The following PMFBP1 variants were observed in gnomAD, a reference collection of about 807,000 sequenced individuals.
The protein encoded by PMFBP1 is polyamine modulated factor 1 binding protein 1.
Under a neutral mutation model 137.8 loss-of-function variants are expected in PMFBP1, and 131 were observed. That is an observed-to-expected ratio of 0.95 (90% CI 0.82 to 1.10). The LOEUF is 1.10. Ranked by LOEUF, PMFBP1 falls within the 50% of genes least tolerant of loss-of-function variation. PMFBP1 has a pLI of 0.00. For synonymous variants in PMFBP1, 490 were observed against 450.4 expected, an observed-to-expected ratio of 1.09 and a Z score of -1.11; for missense variants, 1,199 against 1,175.4, an observed-to-expected ratio of 1.02 and a Z score of -0.29.
chr16:72,209,546 T>C, the PMFBP1 span, among the ~76,000 whole-genome samples: 1 of 152,114 alleles, frequency 6.6e-6, no homozygotes, highest in Non-Finnish European at 1.5e-5. Flanking sequence ...ATCATATTCT[T>C]AAATATACAT....
intron 2 of PMFBP1, among the ~76,000 whole-genome samples, chr16:72,167,765 C>G (rs1228591309): frequency 3.3e-5 from 5 of 152,190 alleles, no homozygotes; most frequent in African/African-American, 4.8e-5. Context: ...GCCAAATACC[C>G]TATACTCTTG....
chr16:72,153,123 T>C (rs181748760), intron 4 of PMFBP1, among the ~76,000 whole-genome samples: 4 of 152,378 alleles, frequency 2.6e-5, no homozygotes, highest in Non-Finnish European at 4.4e-5. Flanking sequence ...TGGACCCTTT[T>C]GTTTAAGTTG....
chr16:72,160,612 C>T (rs2043047556), intron 3 of PMFBP1, among the ~76,000 whole-genome samples: 1 of 151,818 alleles, frequency 6.6e-6, no homozygotes, highest in South Asian at 2.1e-4. Context: ...AAAAGTCTCA[C>T]TATCTTTTTT....
chr16:72,139,946 A>G (rs1258255753), intron 6 of PMFBP1, among the ~76,000 whole-genome samples: 3 of 152,184 alleles, frequency 2.0e-5, no homozygotes, highest in Non-Finnish European at 4.4e-5. Flanking sequence ...AGAGGACAGT[A>G]TTGAAAATTC....
At chr16:72,201,489 G>T in the PMFBP1 span, among the ~76,000 whole-genome samples, 2 of 152,128 alleles carry the variant, frequency 1.3e-5, no homozygotes, top group Non-Finnish European at 2.9e-5. Flanking sequence ...GAATATCATA[G>T]TTAGAAACAA....
chr16:72,189,733 C>T, the PMFBP1 span, among the ~76,000 whole-genome samples: 28 of 152,306 alleles, frequency 1.8e-4, 1 homozygote, highest in Admixed American at 1.8e-3. Context: ...CATGGTATTG[C>T]AGTAAAGACA....
chr16:72,139,395 A>G lies in PMFBP1; in HGVS notation c.812T>C (p.Leu271Pro). 1 of 1,612,348 alleles carries G rather than the reference A, an allele frequency of 6.2e-7. No individual in the cohort carries two copies. The highest frequency in any genetic ancestry group is 8.5e-7 in the Non-Finnish European group (1 of 1,178,554). Residue 271 changes from leucine (L) to proline (P), a missense_variant, in exon 7 of 21, where the codon CTG becomes CCG. Transcript: ENST00000237353. Reference sequence around the variant, plus strand: ...TTTTATCAAAGCCTTTTCACGCTCCAGAACCTGCAAATAAGCTTAGATCAG... The same window carrying G: ...TTTTATCAAAGCCTTTTCACGCTCCGGAACCTGCAAATAAGCTTAGATCAG... Reference protein sequence around the residue: ...NKLACSNALVLEREKALIKLQ... With the variant: ...NKLACSNALVPEREKALIKLQ...
At chr16:72,172,448 A>G (rs886350917), upstream of PMFBP1, 2 of 148,538 alleles carry the variant, frequency 1.3e-5, no homozygotes, top group African/African-American at 5.0e-5. Flanking sequence ...GTGAACTTCT[A>G]TTATCTAGTA....
the PMFBP1 span, among the ~76,000 whole-genome samples, chr16:72,183,844 G>A: frequency 6.6e-6 from 1 of 152,038 alleles, no homozygotes; most frequent in African/African-American, 2.4e-5. Flanking sequence ...CGCATTTGCT[G>A]CCTCTTGATA....
chr16:72,215,327 A>G, the PMFBP1 span, among the ~76,000 whole-genome samples: 2 of 152,142 alleles, frequency 1.3e-5, no homozygotes, highest in Non-Finnish European at 2.9e-5. Context: ...GTAGTGAAGC[A>G]CAGAAAGGTA....
At chr16:72,133,684 G>C (rs560476505) in intron 9 of PMFBP1, among the ~76,000 whole-genome samples, 4 of 152,158 alleles carry the variant, frequency 2.6e-5, no homozygotes, top group Non-Finnish European at 5.9e-5. Context: ...CACCAGGGTT[G>C]TCGGGCGACC....
chr16:72,176,353 T>C (rs2043259497), upstream of PMFBP1, among the ~76,000 whole-genome samples: 1 of 152,238 alleles, frequency 6.6e-6, no homozygotes, highest in Non-Finnish European at 1.5e-5. Context: ...AGGCTGTTTG[T>C]TGTCTGTTCC....
chr16:72,244,782 C>T, the PMFBP1 span, among the ~76,000 whole-genome samples: 1 of 152,152 alleles, frequency 6.6e-6, no homozygotes, highest in Non-Finnish European at 1.5e-5. Flanking sequence ...TTTATTTCTT[C>T]CAGTGCAACA....
At chr16:72,155,059 CT>C (rs1476406283) in intron 3 of PMFBP1, among the ~76,000 whole-genome samples, 1 of 151,956 alleles carries the variant, frequency 6.6e-6, no homozygotes, top group Non-Finnish European at 1.5e-5. Context: ...GTGGTGTGAT[CT>C]CTTCTTGCTA....
chr16:72,213,197 C>T, the PMFBP1 span, among the ~76,000 whole-genome samples: 16 of 120,368 alleles, frequency 1.3e-4, 1 homozygote, highest in African/African-American at 2.0e-4. Flanking sequence ...AGCAAGAGCC[C>T]GGGGGGGGGT....
the PMFBP1 span, among the ~76,000 whole-genome samples, chr16:72,241,889 C>T: frequency 2.6e-5 from 4 of 152,304 alleles, no homozygotes; most frequent in African/African-American, 7.2e-5. Flanking sequence ...GACATTTCCT[C>T]CTGTGCATAT....
At chr16:72,153,670 AC>A (rs1434110057) in intron 4 of PMFBP1, among the ~76,000 whole-genome samples, 1 of 150,740 alleles carries the variant, frequency 6.6e-6, no homozygotes, top group Non-Finnish European at 1.5e-5. Flanking sequence ...TCCTGAATAT[AC>A]CTAAGTGAAG....
chr16:72,223,015 C>T, the PMFBP1 span, among the ~76,000 whole-genome samples: 21 of 152,216 alleles, frequency 1.4e-4, 2 homozygotes, highest in South Asian at 4.4e-3. Context: ...TAATAAAAGG[C>T]TAGCCAGCTT....
the PMFBP1 span, chr16:72,224,954 A>G: frequency 6.6e-6 from 1 of 152,234 alleles, no homozygotes; most frequent in Non-Finnish European, 1.5e-5. Flanking sequence ...CTCTACTAAC[A>G]ATAAAATTTA....
Sources: allele counts gnomAD v4.1 joint callset (sites outside exome capture counted in the v4.1 genomes callset), GRCh38; gene constraint gnomAD v4.1.1; transcripts MANE v1.5; gene names NCBI Gene and HGNC (gene_info 2026-07-23, HGNC 2026-07-21).